Variants in KHDRBS2 observed in about 807,000 individuals in gnomAD.
KHDRBS2 encodes KH RNA binding domain containing, signal transduction associated 2.
In KHDRBS2, 26 loss-of-function variants were observed where a neutral mutation model predicts 44.3. The observed-to-expected ratio is 0.59, with a 90% CI of 0.43 to 0.81. The LOEUF (loss-of-function observed/expected upper bound fraction) is 0.81, where lower values mean the gene tolerates loss of function less well. Among genes scored for constraint, KHDRBS2 ranks in the 40% least tolerant of loss-of-function variants. The probability of loss-of-function intolerance (pLI) is 0.00; values close to 1 mark genes in which losing one functional copy is unlikely to be tolerated. For missense variants in KHDRBS2, 476 were observed against 433.1 expected, an observed-to-expected ratio of 1.10 and a Z score of -0.88; for synonymous variants, 194 against 151.1, an observed-to-expected ratio of 1.28 and a Z score of -2.08.
chr6:62,088,247 G>C (rs766552906), intron 2 of KHDRBS2, among the ~76,000 whole-genome samples: 1 of 152,100 alleles, frequency 6.6e-6, no homozygotes, highest in African/African-American at 2.4e-5. Flanking sequence ...TTGCTGGTGA[G>C]GAGTTGTGAT....
At chr6:61,894,920 C>G in intron 5 of KHDRBS2, 87 bp from the exon 6 acceptor site, 1 of 795,082 alleles carries the variant, frequency 1.3e-6, no homozygotes, top group Non-Finnish European at 2.1e-6. Context: ...TCACAGCCTC[C>G]ATACAATGAA....
chr6:62,142,062 C>A (rs1812938722), intron 2 of KHDRBS2, among the ~76,000 whole-genome samples: 1 of 152,110 alleles, frequency 6.6e-6, no homozygotes, highest in Non-Finnish European at 1.5e-5. Flanking sequence ...GACCTCTTCT[C>A]CAGTAGCAAC....
chr6:61,936,889 AT>A (rs969097216), intron 4 of KHDRBS2, among the ~76,000 whole-genome samples: 1 of 151,922 alleles, frequency 6.6e-6, no homozygotes, highest in Non-Finnish European at 1.5e-5. Context: ...AAAAAACTTC[AT>A]TTTTTTGTTG....
At chr6:62,199,732 T>C (rs1410527863) in intron 1 of KHDRBS2, among the ~76,000 whole-genome samples, 2 of 152,112 alleles carry the variant, frequency 1.3e-5, no homozygotes, top group African/African-American at 4.8e-5. Context: ...TCGAAAAAAC[T>C]ACTTTAAAGT....
chr6:61,898,280 T>C (rs1803304554), intron 5 of KHDRBS2, among the ~76,000 whole-genome samples: 1 of 151,934 alleles, frequency 6.6e-6, no homozygotes, highest in African/African-American at 2.4e-5. Context: ...TTTTTTTTTG[T>C]GGGCATTTGG....
chr6:62,099,772 T>A (rs539691842), intron 2 of KHDRBS2, among the ~76,000 whole-genome samples: 8 of 152,302 alleles, frequency 5.3e-5, no homozygotes, highest in Admixed American at 4.6e-4. Context: ...ACCTACCTGC[T>A]GCTGAGGTAG....
intron 6 of KHDRBS2, among the ~76,000 whole-genome samples, chr6:61,822,952 T>C (rs1307695550): frequency 6.6e-6 from 1 of 152,070 alleles, no homozygotes; most frequent in Non-Finnish European, 1.5e-5. Flanking sequence ...ATTCCACCAG[T>C]TGGTCATCTC....
chr6:62,169,173 A>G (rs1439236570), intron 2 of KHDRBS2, among the ~76,000 whole-genome samples: 4 of 135,408 alleles, frequency 3.0e-5, no homozygotes, highest in African/African-American at 1.1e-4. Context: ...ACATATATGT[A>G]TATATGTATA....
At chr6:62,166,926 A>G (rs1818818396) in intron 2 of KHDRBS2, among the ~76,000 whole-genome samples, 1 of 152,082 alleles carries the variant, frequency 6.6e-6, no homozygotes. Flanking sequence ...CAAATGAACA[A>G]ACAAACAAAT....
chr6:61,968,817 G>A (rs966477877), intron 4 of KHDRBS2, among the ~76,000 whole-genome samples: 6 of 152,076 alleles, frequency 3.9e-5, no homozygotes, highest in Admixed American at 2.6e-4. Context: ...GGTAGTTTAA[G>A]TAACCATGCT....
intron 2 of KHDRBS2, among the ~76,000 whole-genome samples, chr6:62,051,325 T>A (rs1416915098): frequency 3.9e-5 from 6 of 152,058 alleles, no homozygotes; most frequent in Admixed American, 3.9e-4. Flanking sequence ...TGAAATAACA[T>A]CATAGTTTCT....
At chr6:61,625,183 C>T in the KHDRBS2 span, among the ~76,000 whole-genome samples, 29,151 of 151,506 alleles carry the variant, frequency 0.19, 3,303 homozygotes, top group South Asian at 0.33. Context: ...ATGATTACCT[C>T]AGGCTGACCT....
At chr6:61,736,879 T>C (rs1445478688) in intron 6 of KHDRBS2, among the ~76,000 whole-genome samples, 4 of 152,098 alleles carry the variant, frequency 2.6e-5, no homozygotes, top group African/African-American at 9.7e-5. Flanking sequence ...AAACATATAC[T>C]ATATTTCTTT....
At chr6:61,597,931 C>T in the KHDRBS2 span, among the ~76,000 whole-genome samples, 1 of 143,108 alleles carries the variant, frequency 7.0e-6, no homozygotes, top group African/African-American at 2.5e-5. Flanking sequence ...TTTTTAATGG[C>T]CTAATACCAG....
intron 2 of KHDRBS2, among the ~76,000 whole-genome samples, chr6:62,083,732 G>A (rs1797869637): frequency 6.6e-6 from 1 of 152,134 alleles, no homozygotes; most frequent in African/African-American, 2.4e-5. Flanking sequence ...TCCTTTGCAA[G>A]TCCTGCAAAG....
the KHDRBS2 span, among the ~76,000 whole-genome samples, chr6:61,550,312 C>T: frequency 6.6e-6 from 1 of 152,106 alleles, no homozygotes; most frequent in African/African-American, 2.4e-5. Flanking sequence ...GTTTTCTGTT[C>T]CTGTGTTCAC....
chr6:62,231,331 G>A (rs1832863739), intron 1 of KHDRBS2, among the ~76,000 whole-genome samples: 1 of 152,176 alleles, frequency 6.6e-6, no homozygotes. Context: ...GGAGAAGCAA[G>A]GACCTTCTTC....
chr6:61,556,303 G>A, the KHDRBS2 span, among the ~76,000 whole-genome samples: 2 of 152,228 alleles, frequency 1.3e-5, no homozygotes, highest in African/African-American at 2.4e-5. Flanking sequence ...CAGTGCAGGG[G>A]TGGCGGCGGG....
At position 62,223,588 on chromosome 6, in the gene KHDRBS2, A is replaced by T. The variant is rs367588134; in HGVS notation, c.92-46276T>A. On this transcript the variant is annotated intron_variant, in intron 1 of 8. Transcript: ENST00000281156. ...TTTCTATCACATTGTCAGGATGCAAATTTTCTGAACTTTTATGCTCTGCTT... is the reference window on the plus strand; with the variant it reads ...TTTCTATCACATTGTCAGGATGCAATTTTTCTGAACTTTTATGCTCTGCTT... Among the ~76,000 whole-genome samples the T allele has an allele frequency of 4.5e-4, 68 of 152,198 alleles. 1 individual carries two copies. The highest frequency in any genetic ancestry group is 1.6e-3 in the African/African-American group (65 of 41,522).
Sources: gnomAD v4.1 joint callset for allele counts (sites outside exome capture counted in the v4.1 genomes callset) on GRCh38, gnomAD v4.1.1 for gene constraint, MANE v1.5 for transcripts, NCBI Gene and HGNC (gene_info 2026-07-23, HGNC 2026-07-21) for gene names.